PRKCA: variants seen among roughly 807,000 people sequenced by gnomAD.
PRKCA encodes protein kinase C alpha type.
A neutral mutation model predicts 87.0 loss-of-function variants in PRKCA; 27 were observed. The ratio of observed to expected loss-of-function variants is 0.31; its 90% CI spans 0.23 to 0.43. The LOEUF (loss-of-function observed/expected upper bound fraction) is 0.43, where lower values mean the gene tolerates loss of function less well. PRKCA is among the 20% of genes least tolerant of loss of function. The probability of loss-of-function intolerance (pLI) is 1.00; values close to 1 mark genes in which losing one functional copy is unlikely to be tolerated. For synonymous variants in PRKCA, 329 were observed against 311.1 expected (o/e 1.06, Z -0.61); for missense variants, 518 against 852.3 (o/e 0.61, Z 4.88).
chr17:66,455,416 A>G (rs1021672003), intron 2 of PRKCA, among the ~76,000 whole-genome samples: 5 of 152,200 alleles, frequency 3.3e-5, no homozygotes, highest in Non-Finnish European at 7.3e-5. Context: ...TGAGAAGAAA[A>G]GGTCCCCCGA....
intron 2 of PRKCA, among the ~76,000 whole-genome samples, chr17:66,317,811 GT>G (rs1334216215): frequency 6.6e-6 from 1 of 152,136 alleles, no homozygotes; most frequent in African/African-American, 2.4e-5. Flanking sequence ...TCCTCCTTTT[GT>G]TGAATTCATG....
chr17:66,732,625 G>C, intron 8 of PRKCA, 63 bp from the exon 9 acceptor site: 1 of 1,602,258 alleles, frequency 6.2e-7, no homozygotes, highest in Admixed American at 1.7e-5. Flanking sequence ...CAACACGGTG[G>C]TTTCTGTCAC....
At chr17:66,321,492 G>A (rs1056803997) in intron 2 of PRKCA, among the ~76,000 whole-genome samples, 12 of 152,108 alleles carry the variant, frequency 7.9e-5, no homozygotes, top group African/African-American at 2.9e-4. Flanking sequence ...CCTGCTATAT[G>A]GATGTTATTG....
At chr17:66,775,584 G>A (rs1975028380) in intron 14 of PRKCA, 1 of 985,278 alleles carries the variant, frequency 1.0e-6, no homozygotes, top group African/African-American at 1.7e-5. Flanking sequence ...GCACTCACAT[G>A]CTAGTGCCAA....
chr17:66,749,756 G>A (rs1974388740), intron 13 of PRKCA, among the ~76,000 whole-genome samples: 1 of 152,184 alleles, frequency 6.6e-6, no homozygotes, highest in Non-Finnish European at 1.5e-5. Flanking sequence ...CACCGCAGGA[G>A]GACAGAGATG....
At chr17:66,650,929 G>C (rs1041716392) in intron 5 of PRKCA, among the ~76,000 whole-genome samples, 1 of 152,098 alleles carries the variant, frequency 6.6e-6, no homozygotes, top group African/African-American at 2.4e-5. Context: ...CTGGCACCAG[G>C]GATGCTAAGA....
At chr17:66,337,991 T>A (rs1337196394) in intron 2 of PRKCA, among the ~76,000 whole-genome samples, 2 of 151,520 alleles carry the variant, frequency 1.3e-5, no homozygotes, top group Non-Finnish European at 2.9e-5. Context: ...TGATTGAACC[T>A]GGGAATCTTC....
chr17:66,509,043 C>T (rs911642084), intron 3 of PRKCA, among the ~76,000 whole-genome samples: 3 of 152,050 alleles, frequency 2.0e-5, no homozygotes, highest in Admixed American at 2.0e-4. Context: ...CAAGAAGGAA[C>T]ACCTCAGTGT....
intron 2 of PRKCA, among the ~76,000 whole-genome samples, chr17:66,441,925 A>C (rs1336192933): frequency 6.6e-6 from 1 of 152,154 alleles, no homozygotes; most frequent in South Asian, 2.1e-4. Flanking sequence ...ATGTGGGTGG[A>C]TGGATGGACG....
At chr17:66,489,823 C>T (rs748426147) in intron 2 of PRKCA, among the ~76,000 whole-genome samples, 17 of 151,538 alleles carry the variant, frequency 1.1e-4, no homozygotes, top group Non-Finnish European at 2.1e-4. Flanking sequence ...CTCTGTCACC[C>T]AGGCTGGGGT....
intron 3 of PRKCA, among the ~76,000 whole-genome samples, chr17:66,595,703 C>T (rs972547889): frequency 5.3e-5 from 8 of 152,018 alleles, no homozygotes; most frequent in Non-Finnish European, 1.0e-4. Context: ...CCTCGTGATC[C>T]GCCCGCCTCG....
At chr17:66,619,131 C>A (rs185402597) in intron 3 of PRKCA, among the ~76,000 whole-genome samples, 2 of 151,988 alleles carry the variant, frequency 1.3e-5, no homozygotes, top group African/African-American at 4.8e-5. Context: ...AAGCTAGGGT[C>A]GGGAAACTAG....
intron 2 of PRKCA, among the ~76,000 whole-genome samples, chr17:66,378,292 C>A (rs534619276): frequency 1.3e-5 from 2 of 152,224 alleles, no homozygotes; most frequent in African/African-American, 4.8e-5. Context: ...CCAGCCTGGG[C>A]GACAGAGCGA....
intron 2 of PRKCA, among the ~76,000 whole-genome samples, chr17:66,361,277 C>T (rs1184198755): frequency 1.3e-5 from 2 of 151,320 alleles, no homozygotes; most frequent in Non-Finnish European, 2.9e-5. Context: ...CAGTTGATCT[C>T]TCTCCTTTGT....
chr17:66,742,397 T>C (rs1974176676), intron 12 of PRKCA, among the ~76,000 whole-genome samples: 1 of 152,270 alleles, frequency 6.6e-6, no homozygotes, highest in Non-Finnish European at 1.5e-5. Flanking sequence ...TCCAGTCGTT[T>C]AGTAATCCAT....
At chr17:66,442,099 G>A (rs772108125) in intron 2 of PRKCA, among the ~76,000 whole-genome samples, 1 of 150,632 alleles carries the variant, frequency 6.6e-6, no homozygotes, top group Non-Finnish European at 1.5e-5. Flanking sequence ...GTCTCGCTCT[G>A]TTGCCAGGTG....
At chr17:66,439,669 C>T (rs894673417) in intron 2 of PRKCA, among the ~76,000 whole-genome samples, 1 of 152,136 alleles carries the variant, frequency 6.6e-6, no homozygotes. Flanking sequence ...TTGTAGAGGA[C>T]CACAGTTGCA....
chr17:66,649,219 G>C (rs1971528268), intron 5 of PRKCA, among the ~76,000 whole-genome samples: 1 of 152,214 alleles, frequency 6.6e-6, no homozygotes, highest in Non-Finnish European at 1.5e-5. Flanking sequence ...GACCACAAGT[G>C]GTACTAAGCA....
intron 1 of PRKCA, among the ~76,000 whole-genome samples, chr17:66,305,276 TA>T (rs1904754350): frequency 6.6e-6 from 1 of 152,166 alleles, no homozygotes; most frequent in African/African-American, 2.4e-5. Flanking sequence ...TGGTTTTTAG[TA>T]GGGGGGATGA....
Sources: allele counts gnomAD v4.1 joint callset (sites outside exome capture counted in the v4.1 genomes callset), GRCh38; gene constraint gnomAD v4.1.1; transcripts MANE v1.5; gene names NCBI Gene and HGNC (gene_info 2026-07-23, HGNC 2026-07-21).